THEMIS: variants seen among roughly 807,000 people sequenced by gnomAD.
The protein encoded by THEMIS is protein THEMIS.
Under a neutral mutation model 52.6 loss-of-function variants are expected in THEMIS, and 37 were observed. That is an observed-to-expected ratio of 0.70 (90% CI 0.54 to 0.93). The LOEUF (loss-of-function observed/expected upper bound fraction) is 0.93, where lower values mean the gene tolerates loss of function less well. THEMIS is among the 40% of genes least tolerant of loss of function. THEMIS has a pLI of 0.00. For missense variants in THEMIS, 808 were observed against 763.1 expected, an observed-to-expected ratio of 1.06 and a Z score of -0.69; for synonymous variants, 292 against 272.7, an observed-to-expected ratio of 1.07 and a Z score of -0.70.
intron 1 of THEMIS, among the ~76,000 whole-genome samples, chr6:127,877,260 A>G (rs1475527705): frequency 6.6e-6 from 1 of 152,218 alleles, no homozygotes; most frequent in African/African-American, 2.4e-5. Flanking sequence ...CTTATCAGCA[A>G]TAAGGCTGTT....
chr6:127,846,667 G>A (rs1463832181), intron 2 of THEMIS, among the ~76,000 whole-genome samples: 1 of 151,652 alleles, frequency 6.6e-6, no homozygotes, highest in Non-Finnish European at 1.5e-5. Flanking sequence ...ACCAAAAAAA[G>A]CCCAGGGCCA....
chr6:127,702,253 A>G, the THEMIS span, among the ~76,000 whole-genome samples: 116 of 152,300 alleles, frequency 7.6e-4, no homozygotes, highest in African/African-American at 2.7e-3. Flanking sequence ...TGTTTGTCCA[A>G]TTGATGTCCA....
At chr6:127,854,718 T>C (rs1779557478) in intron 2 of THEMIS, among the ~76,000 whole-genome samples, 1 of 151,832 alleles carries the variant, frequency 6.6e-6, no homozygotes, top group Non-Finnish European at 1.5e-5. Flanking sequence ...TTTATGAAAA[T>C]ATATCTTTGA....
intron 4 of THEMIS, among the ~76,000 whole-genome samples, chr6:127,754,340 G>T (rs1045172593): frequency 1.3e-5 from 2 of 152,074 alleles, no homozygotes; most frequent in Non-Finnish European, 2.9e-5. Context: ...CTCATATTTA[G>T]TACATAATTC....
chr6:127,868,378 G>T (rs1322491738), intron 1 of THEMIS: 1 of 952,922 alleles, frequency 1.0e-6, no homozygotes, highest in East Asian at 1.2e-4. Flanking sequence ...ATAAAAATTG[G>T]TATTTTCTTT....
intron 4 of THEMIS, among the ~76,000 whole-genome samples, chr6:127,777,633 T>C (rs1209375882): frequency 1.3e-5 from 2 of 152,194 alleles, no homozygotes; most frequent in Non-Finnish European, 2.9e-5. Flanking sequence ...CTATTTTTAG[T>C]GCTGGACTGA....
chr6:127,720,946 T>C (rs1041192693), intron 4 of THEMIS, among the ~76,000 whole-genome samples: 1 of 151,950 alleles, frequency 6.6e-6, no homozygotes, highest in Non-Finnish European at 1.5e-5. Flanking sequence ...TCTGTATCCA[T>C]GTCCTTTCTA....
At chr6:127,804,422 G>GAGAT (rs1190600987) in intron 4 of THEMIS, among the ~76,000 whole-genome samples, 11 of 152,246 alleles carry the variant, frequency 7.2e-5, no homozygotes, top group African/African-American at 2.4e-4. Flanking sequence ...CTGCAAAATA[G>GAGAT]AGATGATCAC....
At chr6:127,761,841 T>A (rs922036770) in intron 4 of THEMIS, among the ~76,000 whole-genome samples, 4 of 152,100 alleles carry the variant, frequency 2.6e-5, no homozygotes, top group African/African-American at 7.2e-5. Flanking sequence ...GAAAACAGTA[T>A]GGAGACTCTC....
intron 4 of THEMIS, among the ~76,000 whole-genome samples, chr6:127,787,652 T>C (rs1241240961): frequency 6.6e-6 from 1 of 152,158 alleles, no homozygotes; most frequent in African/African-American, 2.4e-5. Context: ...TACAATATCT[T>C]GATAAACGAT....
At chr6:127,838,879 T>G (rs1332466735) in intron 2 of THEMIS, among the ~76,000 whole-genome samples, 1 of 152,138 alleles carries the variant, frequency 6.6e-6, no homozygotes. Flanking sequence ...TTAAAAACAT[T>G]GCTGTGACGC....
chr6:127,905,942 T>G (rs1781258891), upstream of THEMIS, among the ~76,000 whole-genome samples: 1 of 148,526 alleles, frequency 6.7e-6, no homozygotes, highest in African/African-American at 2.6e-5. Context: ...TTAAAATAAT[T>G]TAAATGAAAT....
the THEMIS span, among the ~76,000 whole-genome samples, chr6:127,701,712 A>G: frequency 6.6e-6 from 1 of 152,012 alleles, no homozygotes; most frequent in African/African-American, 2.4e-5. Context: ...TCATTTTTTG[A>G]AAAAAACTTT....
intron 5 of THEMIS, among the ~76,000 whole-genome samples, chr6:127,710,317 C>T (rs1343199596): frequency 6.6e-6 from 1 of 151,884 alleles, no homozygotes; most frequent in Non-Finnish European, 1.5e-5. Flanking sequence ...ATCCTTATAA[C>T]AACTCTATCA....
At chr6:127,747,498 A>G (rs2114318121) in intron 4 of THEMIS, among the ~76,000 whole-genome samples, 1 of 150,856 alleles carries the variant, frequency 6.6e-6, no homozygotes, top group South Asian at 2.1e-4. Context: ...AAAGTAATTG[A>G]AAAGAGTGAA....
At chr6:127,703,831 C>CA (rs1379035233), downstream of THEMIS, among the ~76,000 whole-genome samples, 1 of 152,146 alleles carries the variant, frequency 6.6e-6, no homozygotes, top group Admixed American at 6.5e-5. Flanking sequence ...GCTGCTGTGA[C>CA]AAAATACCTC....
intron 1 of THEMIS, among the ~76,000 whole-genome samples, chr6:127,908,517 C>A (rs967150519): frequency 6.6e-6 from 1 of 152,094 alleles, no homozygotes; most frequent in Admixed American, 6.6e-5. Flanking sequence ...AGAACAGGAG[C>A]ACAGGTTGAA....
intron 1 of THEMIS, among the ~76,000 whole-genome samples, chr6:127,866,093 C>A (rs1316394430): frequency 6.6e-6 from 1 of 152,008 alleles, no homozygotes; most frequent in South Asian, 2.1e-4. Flanking sequence ...AACTCACACT[C>A]CTTATATTTG....
intron 4 of THEMIS, among the ~76,000 whole-genome samples, chr6:127,730,242 T>C (rs1774719306): frequency 1.5e-5 from 2 of 135,478 alleles, no homozygotes; most frequent in African/African-American, 5.5e-5. Flanking sequence ...AGTCCAGGCC[T>C]GGGCAACAGA....
Sources: gnomAD v4.1 joint callset for allele counts (sites outside exome capture counted in the v4.1 genomes callset) on GRCh38, gnomAD v4.1.1 for gene constraint, MANE v1.5 for transcripts, NCBI Gene and HGNC (gene_info 2026-07-23, HGNC 2026-07-21) for gene names.